ESR1: variants seen among roughly 807,000 people sequenced by gnomAD.
ESR1 encodes the protein estrogen receptor.
A neutral mutation model predicts 52.7 loss-of-function variants in ESR1; 12 were observed. That is an observed-to-expected ratio of 0.23 (90% CI 0.15 to 0.37). The LOEUF (loss-of-function observed/expected upper bound fraction) is 0.37. Among genes scored for constraint, ESR1 ranks in the 10% least tolerant of loss-of-function variants. The pLI, the probability that ESR1 is intolerant of heterozygous loss-of-function variation, is 1.00. For synonymous variants in ESR1, 305 were observed against 316.8 expected (o/e 0.96, Z 0.39); for missense variants, 584 against 779.7 (o/e 0.75, Z 2.99).
chr6:151,792,823 A>C (rs1229413253), intron 2 of ESR1, among the ~76,000 whole-genome samples: 1 of 152,184 alleles, frequency 6.6e-6, no homozygotes, highest in East Asian at 1.9e-4. Context: ...CTGTACAAAA[A>C]TGTTTTCTTT....
At chr6:151,910,781 T>C (rs142402886) in intron 3 of ESR1, among the ~76,000 whole-genome samples, 2 of 152,350 alleles carry the variant, frequency 1.3e-5, no homozygotes, top group African/African-American at 4.8e-5. Flanking sequence ...ATGAAAATTA[T>C]ATTTCAGTTT....
chr6:151,815,953 T>A (rs1406115834), intron 1 of ESR1, among the ~76,000 whole-genome samples: 1 of 152,308 alleles, frequency 6.6e-6, no homozygotes, highest in East Asian at 1.9e-4. Flanking sequence ...CTAAGCATGG[T>A]CCTGAAGTAC....
chr6:152,033,562 A>G (rs1041497204), intron 5 of ESR1, among the ~76,000 whole-genome samples: 2 of 152,248 alleles, frequency 1.3e-5, no homozygotes, highest in African/African-American at 4.8e-5. Flanking sequence ...ATCACTGGCC[A>G]TCAGAGAAAT....
chr6:151,995,379 T>TTCCA (rs1170263494), intron 4 of ESR1, among the ~76,000 whole-genome samples: 8 of 152,092 alleles, frequency 5.3e-5, no homozygotes, highest in Admixed American at 2.6e-4. Flanking sequence ...CCATCCGTCC[T>TTCCA]TCCATCCATC....
chr6:151,962,719 T>A (rs1290632885), intron 4 of ESR1, among the ~76,000 whole-genome samples: 1 of 152,234 alleles, frequency 6.6e-6, no homozygotes, highest in Non-Finnish European at 1.5e-5. Context: ...ATGTGCTTGC[T>A]CTTTTTCATT....
At chr6:151,961,584 G>C (rs2037667702) in intron 4 of ESR1, among the ~76,000 whole-genome samples, 1 of 152,126 alleles carries the variant, frequency 6.6e-6, no homozygotes, top group African/African-American at 2.4e-5. Flanking sequence ...GGAGGAGGGA[G>C]TGTCCTCACA....
chr6:151,802,630 G>A (rs1343691163), upstream of ESR1, among the ~76,000 whole-genome samples: 8 of 152,270 alleles, frequency 5.3e-5, no homozygotes, highest in African/African-American at 4.8e-5. Context: ...AAGATTGTAC[G>A]AATTTAAATT....
rs542400616 is a variant in ESR1, at chr6:152,069,857, G to A, written c.1369+8733G>A. Among the ~76,000 whole-genome samples, 3 of 137,694 alleles carry A rather than the reference G, an allele frequency of 2.2e-5. 1 individual carries two copies. The South Asian group carries it at 6.9e-4, about 31-fold the overall frequency. 90.3% of individuals were successfully genotyped at this position (137,694 alleles called of 152,430 possible). A position where few individuals can be genotyped will look rare whatever the true frequency, so the allele number is the denominator to read the frequency against. On this transcript the variant is annotated intron_variant, in intron 6 of 7. Coordinates refer to ENST00000206249, the MANE Select transcript of ESR1 (RefSeq NM_000125.4). ...TACCAGTTTGCAACCCAGGCAGCTG[G>A]GGACCTCTGGGCTGTAGGGTAGGCT...
intron 1 of ESR1, among the ~76,000 whole-genome samples, chr6:151,839,794 G>A (rs1426921657): frequency 6.6e-6 from 1 of 152,126 alleles, no homozygotes; most frequent in Non-Finnish European, 1.5e-5. Context: ...GCTGCTAGGG[G>A]ATAGGGGAAG....
exon 7 of ESR1, chr6:152,128,419 C>T (rs964087361): frequency 2.6e-5 from 4 of 152,158 alleles, no homozygotes; most frequent in African/African-American, 9.7e-5. Flanking sequence ...ATTTTGTAGG[C>T]CCAGGGCCTA....
At chr6:151,719,558 G>T (rs776403056) in intron 2 of ESR1, among the ~76,000 whole-genome samples, 1 of 152,216 alleles carries the variant, frequency 6.6e-6, no homozygotes, top group African/African-American at 2.4e-5. Context: ...AGGGAGAAAA[G>T]ATTGGAGGAC....
chr6:152,108,104 CA>C (rs988621895), downstream of ESR1, among the ~76,000 whole-genome samples: 7 of 152,308 alleles, frequency 4.6e-5, no homozygotes, highest in Admixed American at 1.3e-4. Context: ...CATGGTCAGA[CA>C]GGAGTCAGGG....
intron 1 of ESR1, among the ~76,000 whole-genome samples, chr6:151,691,484 A>G (rs1418165291): frequency 6.6e-6 from 1 of 152,250 alleles, no homozygotes; most frequent in Non-Finnish European, 1.5e-5. Flanking sequence ...ACAAGTCCGT[A>G]GGAGCCAACA....
At chr6:151,725,520 T>C (rs923247913) in intron 2 of ESR1, among the ~76,000 whole-genome samples, 4 of 152,218 alleles carry the variant, frequency 2.6e-5, no homozygotes, top group Admixed American at 1.3e-4. Flanking sequence ...TTCTTGAGAA[T>C]TGGTGAGGCT....
At chr6:152,001,514 T>C (rs2041941420) in intron 4 of ESR1, among the ~76,000 whole-genome samples, 1 of 152,060 alleles carries the variant, frequency 6.6e-6, no homozygotes, top group Admixed American at 6.6e-5. Flanking sequence ...TAACAGGCAA[T>C]TAAATTTCAG....
At chr6:152,018,298 GA>G (rs1011079333) in intron 5 of ESR1, among the ~76,000 whole-genome samples, 6 of 137,192 alleles carry the variant, frequency 4.4e-5, no homozygotes, top group African/African-American at 8.1e-5. Flanking sequence ...AAATATTTCA[GA>G]AAAAAAATAT....
chr6:151,980,100 T>C (rs1468633000), intron 4 of ESR1, among the ~76,000 whole-genome samples: 1 of 152,240 alleles, frequency 6.6e-6, no homozygotes, highest in African/African-American at 2.4e-5. Context: ...TGTCACTTTT[T>C]CAAAAAGATT....
At chr6:151,971,995 A>T (rs968390350) in intron 4 of ESR1, among the ~76,000 whole-genome samples, 10 of 152,156 alleles carry the variant, frequency 6.6e-5, no homozygotes, top group Non-Finnish European at 1.5e-4. Context: ...CCACAGAAAT[A>T]CAAAAGATAT....
intron 2 of ESR1, among the ~76,000 whole-genome samples, chr6:151,724,802 G>A (rs1229618340): frequency 1.3e-5 from 2 of 152,146 alleles, no homozygotes; most frequent in African/African-American, 2.4e-5. Context: ...ATCCTGGTCT[G>A]TATTCCTGCT....
Sources: gnomAD v4.1 joint callset for allele counts (sites outside exome capture counted in the v4.1 genomes callset) on GRCh38, gnomAD v4.1.1 for gene constraint, MANE v1.5 for transcripts, NCBI Gene and HGNC (gene_info 2026-07-23, HGNC 2026-07-21) for gene names.